ABCB7: variants seen among roughly 807,000 people sequenced by gnomAD.
ABCB7 encodes iron-sulfur clusters transporter ABCB7, mitochondrial.
ABCB7 carries 7 observed loss-of-function variants against 54.4 expected under a neutral mutation model. The ratio of observed to expected loss-of-function variants is 0.13; its 90% CI spans 0.07 to 0.24. The LOEUF (loss-of-function observed/expected upper bound fraction) is 0.24. ABCB7 is among the 10% of genes least tolerant of loss of function. The pLI is 1.00. For missense variants in ABCB7, 356 were observed against 570.4 expected (o/e 0.62, Z 3.83); for synonymous variants, 218 against 207.1 (o/e 1.05, Z -0.45).
chrX:75,143,361 C>A (rs2082068538), intron 1 of ABCB7, among the ~76,000 whole-genome samples: 1 of 111,745 alleles, frequency 8.9e-6, no homozygotes. Context: ...ATCACCTCAG[C>A]CTGCATTTCA....
intron 1 of ABCB7, among the ~76,000 whole-genome samples, chrX:75,119,574 G>C (rs991218169): frequency 1.8e-5 from 2 of 111,880 alleles, no homozygotes; most frequent in Non-Finnish European, 3.8e-5. Flanking sequence ...GGTTTTGTTA[G>C]GAATTGGGTT....
At chrX:75,070,225 T>C in intron 10 of ABCB7, 140 bp downstream of exon 10, 1 of 626,230 alleles carries the variant, frequency 1.6e-6, no homozygotes, top group South Asian at 2.7e-5. Flanking sequence ...ATACAGGTGA[T>C]AGCACCCCCA....
In ABCB7 at chrX:75,065,077, C is replaced by T; in HGVS notation, c.1824G>A (p.Lys608=). ...YDTQVGERGL[K]LSGGEKQRVA... is the part of the protein sequence containing the mutation. ...TCTAAAATCTCTGATCACCTGAAAG[C>T]TTGAGTCCTCGTTCCCCTACTTGGG... Residue 608 remains lysine, a synonymous_variant, in exon 13 of 16, where the codon AAG becomes AAA. Transcript: ENST00000373394. The T allele has an allele frequency of 1.7e-6, 2 of 1,210,609 alleles. No homozygotes were observed. The highest frequency in any genetic ancestry group is 4.6e-4 in the Middle Eastern group (2 of 4,348).
intron 1 of ABCB7, among the ~76,000 whole-genome samples, chrX:75,121,288 C>CAAAA (rs34049274): frequency 2.6e-5 from 1 of 39,076 alleles, no homozygotes. Context: ...GACTCTGTCT[C>CAAAA]AAAAAAAAAA....
At chrX:75,104,074 T>G (rs2081667212) in intron 3 of ABCB7, among the ~76,000 whole-genome samples, 1 of 76,659 alleles carries the variant, frequency 1.3e-5, no homozygotes, top group African/African-American at 4.9e-5. Flanking sequence ...TTTTTTTTTT[T>G]TTTTTTTTTT....
At chrX:75,149,749 G>C (rs1247698507) in intron 1 of ABCB7, among the ~76,000 whole-genome samples, 1 of 111,289 alleles carries the variant, frequency 9.0e-6, no homozygotes, top group Non-Finnish European at 1.9e-5. Flanking sequence ...TCAGAGGAGG[G>C]AGAAATCAAA....
intron 15 of ABCB7, among the ~76,000 whole-genome samples, chrX:75,055,579 A>AC (rs2081232686): frequency 1.0e-5 from 1 of 95,598 alleles, no homozygotes. Flanking sequence ...AAAAAAAAAA[A>AC]CAACCAAAAA....
Position 75,053,588 on chromosome X carries a change from A to G in ABCB7, c.2044-3T>C. On this transcript the variant is annotated splice_region_variant and splice_polypyrimidine_tract_variant and intron_variant, in intron 15 of 15. Transcript: ENST00000373394. ...GTACCACGTTCGGCTACCTTACCCT[A>G]AAAAGTAAACACATGAGAAACACGG... The G allele has an allele frequency of 4.2e-6, 5 of 1,177,839 alleles. No individual in the cohort carries two copies. Among genetic ancestry groups the G allele is most frequent in the Non-Finnish European group, 5.7e-6 (5 of 876,421 alleles).
At position 75,141,834 on chromosome X, in the gene ABCB7, T is replaced by C. The variant is rs148472194; in HGVS notation, c.168+14271A>G. Among the ~76,000 whole-genome samples, 711 of 111,061 alleles carry C rather than the reference T, an allele frequency of 6.4e-3. 10 individuals carry two copies. The highest frequency in any genetic ancestry group is 0.022 in the African/African-American group (677 of 30,520). ...AAAATATAAGATGAACCTGGAGCAT[T>C]GTGTGATGCCAGAAAGTAAAGAAAT... On this transcript the variant is annotated intron_variant, in intron 1 of 15. Transcript: ENST00000373394.
chrX:75,058,574 C>G (rs774307413), intron 15 of ABCB7, among the ~76,000 whole-genome samples: 2 of 111,862 alleles, frequency 1.8e-5, no homozygotes, highest in African/African-American at 6.5e-5. Context: ...AAATGAAAAT[C>G]TGTTATCTTC....
intron 1 of ABCB7, among the ~76,000 whole-genome samples, chrX:75,155,098 G>A (rs2082163553): frequency 8.9e-6 from 1 of 112,605 alleles, no homozygotes; most frequent in Admixed American, 9.4e-5. Flanking sequence ...ACCCACCACT[G>A]TGTTTTTCAG....
chrX:75,131,840 C>A (rs1022908013), intron 1 of ABCB7, among the ~76,000 whole-genome samples: 2 of 111,822 alleles, frequency 1.8e-5, no homozygotes, highest in African/African-American at 3.3e-5. Context: ...AGCAGCTCTG[C>A]ATCTCTCTGA....
In ABCB7 at chrX:75,076,566, G is replaced by T; in HGVS notation, c.542C>A (p.Ala181Glu). Reference protein sequence around the residue: ...MSGNMLNLSDAPNTVATMATA... With the variant: ...MSGNMLNLSDEPNTVATMATA... ...TGCCATGGTTGCAACTGTATTTGGT[G>T]CATCACTCAGGTTCAGCATGTTTCC... Residue 181 changes from alanine (A) to glutamate (E), a missense_variant, in exon 5 of 16, where the codon GCA (alanine) becomes GAA (glutamate). Ala to Glu is a moderately radical substitution (Grantham distance 107, BLOSUM62 -1). This residue lies in a region of ABCB7 where 241 missense variants were observed against 470.9 expected (regional missense o/e 0.51). Coordinates refer to ENST00000373394, the MANE Select transcript of ABCB7 (RefSeq NM_001271696.3). 1.7e-6 allele frequency: 2 copies of T among 1,211,015 alleles called. No homozygotes were observed. The highest frequency in any genetic ancestry group is 1.7e-5 in the African/African-American group (1 of 57,833).
intron 1 of ABCB7, among the ~76,000 whole-genome samples, chrX:75,151,614 A>T (rs1407094953): frequency 8.9e-6 from 1 of 112,123 alleles, no homozygotes; most frequent in Non-Finnish European, 1.9e-5. Flanking sequence ...GTAAACTAGG[A>T]TCACAAAGTA....
At chrX:75,063,788 AT>A (rs1433877572) in intron 13 of ABCB7, among the ~76,000 whole-genome samples, 1 of 112,303 alleles carries the variant, frequency 8.9e-6, no homozygotes, top group African/African-American at 3.2e-5. Context: ...TAAATAATAA[AT>A]TGCTCATTTT....
chrX:75,061,668 T>C (rs368151523), intron 14 of ABCB7, among the ~76,000 whole-genome samples: 1 of 112,033 alleles, frequency 8.9e-6, no homozygotes, highest in Non-Finnish European at 1.9e-5. Context: ...GACAAATGCA[T>C]CTGCCTATCT....
At chrX:75,054,023 T>C (rs1205439014) in intron 15 of ABCB7, among the ~76,000 whole-genome samples, 2 of 112,273 alleles carry the variant, frequency 1.8e-5, no homozygotes, top group South Asian at 3.6e-4. Context: ...AAAAAAGATT[T>C]CATAAAATAA....
At chrX:75,140,582 CAATT>C (rs1205929030) in intron 1 of ABCB7, among the ~76,000 whole-genome samples, 1 of 109,932 alleles carries the variant, frequency 9.1e-6, no homozygotes, top group Non-Finnish European at 1.9e-5. Flanking sequence ...AATGGGGTAA[CAATT>C]AAATATGATA....
At chrX:75,127,147 C>T (rs774632586) in intron 1 of ABCB7, among the ~76,000 whole-genome samples, 2 of 111,303 alleles carry the variant, frequency 1.8e-5, no homozygotes, top group Admixed American at 9.6e-5. Flanking sequence ...AACAAGGATG[C>T]GAAAATCCTC....
Sources: gnomAD v4.1 joint callset for allele counts (sites outside exome capture counted in the v4.1 genomes callset) on GRCh38, gnomAD v4.1.1 for gene constraint, gnomAD v4.1.1 regional missense constraint, MANE v1.5 for transcripts, NCBI Gene and HGNC (gene_info 2026-07-23, HGNC 2026-07-21) for gene names.